CORO2A: variants seen among roughly 807,000 people sequenced by gnomAD.
CORO2A encodes coronin-2A.
CORO2A carries 47 observed loss-of-function variants against 62.4 expected under a neutral mutation model. That is an observed-to-expected ratio of 0.75 (90% CI 0.60 to 0.96). The LOEUF is 0.96. Ranked by LOEUF, CORO2A falls within the 40% of genes least tolerant of loss-of-function variation. The probability of loss-of-function intolerance (pLI) is 0.00; values close to 1 mark genes in which losing one functional copy is unlikely to be tolerated. For synonymous variants in CORO2A, 273 were observed against 268.9 expected, an observed-to-expected ratio of 1.02 and a Z score of -0.15; for missense variants, 610 against 684.1, an observed-to-expected ratio of 0.89 and a Z score of 1.21.
At chr9:98,138,224 G>C (rs1169264298) in intron 2 of CORO2A, among the ~76,000 whole-genome samples, 1 of 152,094 alleles carries the variant, frequency 6.6e-6, no homozygotes, top group Non-Finnish European at 1.5e-5. Flanking sequence ...AGACCAGCCT[G>C]GCCAACATGG....
chr9:98,187,751 T>C (rs1408259387), intron 1 of CORO2A, among the ~76,000 whole-genome samples: 1 of 152,104 alleles, frequency 6.6e-6, no homozygotes, highest in African/African-American at 2.4e-5. Flanking sequence ...TGGGGTAAGA[T>C]TTCAACATAT....
chr9:98,138,940 G>A (rs1319513462), intron 2 of CORO2A, among the ~76,000 whole-genome samples: 5 of 151,664 alleles, frequency 3.3e-5, no homozygotes, highest in Admixed American at 2.6e-4. Context: ...CCAGCTACTC[G>A]GGAGGCTGAG....
intron 2 of CORO2A, among the ~76,000 whole-genome samples, chr9:98,141,226 C>T (rs1358202730): frequency 6.6e-6 from 1 of 152,056 alleles, no homozygotes; most frequent in Non-Finnish European, 1.5e-5. Flanking sequence ...TCTTCTACAG[C>T]AGGACAGGGG....
chr9:98,161,577 A>G (rs573925211), intron 1 of CORO2A, among the ~76,000 whole-genome samples: 2 of 152,258 alleles, frequency 1.3e-5, no homozygotes, highest in East Asian at 3.9e-4. Flanking sequence ...AATAATTCTA[A>G]TAAATAAAGC....
chr9:98,135,471 A>G (rs1440937669), intron 3 of CORO2A, among the ~76,000 whole-genome samples: 1 of 152,160 alleles, frequency 6.6e-6, no homozygotes, highest in Non-Finnish European at 1.5e-5. Context: ...CTGCAAGAGG[A>G]AACTCTGAAG....
chr9:98,144,852 G>T (rs144579368), intron 2 of CORO2A, among the ~76,000 whole-genome samples: 220 of 152,174 alleles, frequency 1.4e-3, no homozygotes, highest in African/African-American at 5.3e-3. Context: ...AGGGCATGGA[G>T]TCTACTCACC....
In CORO2A at chr9:98,137,607, C is replaced by T. The variant is rs770729468; in HGVS notation, c.283G>A (p.Asp95Asn). Residue 95 changes from aspartate (D) to asparagine (N), a missense_variant, in exon 3 of 12, where the codon GAT (aspartate) becomes AAT (asparagine). Transcript: ENST00000375077. ...VLDVKWNPFDDFEIASCSEDA... is the reference protein window; with the variant it reads ...VLDVKWNPFDNFEIASCSEDA... ...TCAGAACAGGAGGCGATCTCAAAAT[C>T]ATCAAAAGGGTTCCACTTGACATCC... 3 of 1,614,232 alleles carry T rather than the reference C, an allele frequency of 1.9e-6. No individual in the cohort carries two copies. Among genetic ancestry groups the T allele is most frequent in the Non-Finnish European group, 2.5e-6 (3 of 1,180,032 alleles).
intron 2 of CORO2A, among the ~76,000 whole-genome samples, chr9:98,144,243 T>C (rs1017515098): frequency 6.6e-6 from 1 of 151,788 alleles, no homozygotes; most frequent in African/African-American, 2.4e-5. Flanking sequence ...GGGAGTCATA[T>C]ATGTGCCAGG....
At chr9:98,171,297 G>A (rs1314598091) in intron 1 of CORO2A, among the ~76,000 whole-genome samples, 6 of 152,206 alleles carry the variant, frequency 3.9e-5, no homozygotes, top group South Asian at 2.1e-4. Flanking sequence ...TGGTCCTGGG[G>A]TGGGCATCCA....
intron 1 of CORO2A, among the ~76,000 whole-genome samples, chr9:98,180,665 A>C (rs996587797): frequency 6.6e-6 from 1 of 151,846 alleles, no homozygotes; most frequent in Non-Finnish European, 1.5e-5. Flanking sequence ...CCTGCTTCCA[A>C]AGTCACTAAT....
At position 98,126,473 on chromosome 9, in the gene CORO2A, C is replaced by G. The variant is rs1460638483; in HGVS notation, c.1446+76G>C. 8.5e-6 allele frequency: 13 copies of G among 1,536,198 alleles called. No homozygotes were observed. The East Asian group carries it at 9.1e-5, about 11-fold the overall frequency. ...ATTCTTCTCATGCCTCATTTTCTCC[C>G]TTCTTCTCAGCCTGGATCTGTTCCC... is the stretch of plus-strand genomic sequence containing the variant. On this transcript the variant is annotated intron_variant, in intron 11 of 11. Coordinates refer to ENST00000375077, the MANE Select transcript of CORO2A (RefSeq NM_052820.4).
chr9:98,132,100 G>C, intron 6 of CORO2A, 85 bp downstream of exon 6: 1 of 991,044 alleles, frequency 1.0e-6, no homozygotes, highest in Non-Finnish European at 1.6e-6. Flanking sequence ...TGTCATAAAT[G>C]GGTGTCTAAA....
In CORO2A at chr9:98,191,878, G is replaced by A. The variant is rs374532010; in HGVS notation, c.-1+681C>T. Among the ~76,000 whole-genome samples the A allele has an allele frequency of 5.9e-5, 9 of 152,322 alleles. 1 individual carries two copies. The highest frequency in any genetic ancestry group is 2.2e-4 in the African/African-American group (9 of 41,582). ...AGAGCTAGGCACCAGCACCTGGCCC[G>A]GGTGGGGAAGGGGAAGGAGCTATCC... On this transcript the variant is annotated intron_variant, in intron 1 of 11. Coordinates refer to ENST00000375077, the MANE Select transcript of CORO2A (RefSeq NM_052820.4).
chr9:98,165,506 G>A (rs989039248), intron 1 of CORO2A, among the ~76,000 whole-genome samples: 16 of 152,310 alleles, frequency 1.1e-4, no homozygotes, highest in Admixed American at 7.8e-4. Flanking sequence ...AGCAGGGCTC[G>A]GAGGGGTCAG....
rs144993361 is a variant in CORO2A, at chr9:98,168,101, C to T, written c.1-10441G>A. Among the ~76,000 whole-genome samples the T allele has an allele frequency of 4.3e-3, 657 of 152,336 alleles. 3 individuals are homozygous for T. Among genetic ancestry groups the T allele is most frequent in the African/African-American group, 0.015 (620 of 41,570 alleles). The stretch of plus-strand genomic sequence containing the variant: ...ACACAGAACCTCTAGTCCCACAAGG[C>T]TTCTAAATTAAAGTTAAAATTAAAT... On this transcript the variant is annotated intron_variant, in intron 1 of 11. Coordinates refer to ENST00000375077, the MANE Select transcript of CORO2A (RefSeq NM_052820.4).
intron 2 of CORO2A, among the ~76,000 whole-genome samples, chr9:98,154,393 T>C (rs972094011): frequency 7.6e-6 from 1 of 130,938 alleles, no homozygotes; most frequent in Non-Finnish European, 1.6e-5. Context: ...TATATGTATG[T>C]AAAATATAAG....
rs993617176 is a variant in CORO2A, at chr9:98,125,709, AT to A, written c.1447-805del. Reference sequence around the variant, plus strand: ...TCCATTTTACAGATGGTTTCCCACCATTTTTTTTTTTTTTTTTTTTTTTTTT... The same window carrying A: ...TCCATTTTACAGATGGTTTCCCACCATTTTTTTTTTTTTTTTTTTTTTTTT... On this transcript the variant is annotated intron_variant, in intron 11 of 11. Transcript: ENST00000375077. Among the ~76,000 whole-genome samples, 733 of 89,552 alleles carry A rather than the reference AT, an allele frequency of 8.2e-3. 2 individuals are homozygous for A. Among genetic ancestry groups the A allele is most frequent in the African/African-American group, 0.029 (622 of 21,308 alleles). The allele number at this position is 89,552 out of a possible 152,430, so 58.7% of individuals were successfully genotyped here.
At chr9:98,167,604 ATGTGTGGATCC>A (rs994659176) in intron 1 of CORO2A, among the ~76,000 whole-genome samples, 23 of 152,222 alleles carry the variant, frequency 1.5e-4, no homozygotes, top group African/African-American at 5.5e-4. Context: ...AAGAAGTGCA[ATGTGTGGATCC>A]TGTGTGGATC....
At chr9:98,157,348 A>G (rs1472733364) in intron 2 of CORO2A, 112 bp downstream of exon 2, 8 of 936,628 alleles carry the variant, frequency 8.5e-6, no homozygotes, top group East Asian at 2.6e-5. Flanking sequence ...ACTCAAGGTC[A>G]CACAGCTAGT....
Sources: gnomAD v4.1 joint callset for allele counts (sites outside exome capture counted in the v4.1 genomes callset) on GRCh38, gnomAD v4.1.1 for gene constraint, MANE v1.5 for transcripts, NCBI Gene and HGNC (gene_info 2026-07-23, HGNC 2026-07-21) for gene names.